The following PPP1R13B variants were observed in gnomAD, a reference collection of about 807,000 sequenced individuals.
PPP1R13B encodes protein phosphatase 1 regulatory subunit 13B, also known as apoptosis-stimulating of p53 protein 1.
PPP1R13B carries 44 observed loss-of-function variants against 119.8 expected under a neutral mutation model. The observed-to-expected ratio is 0.37, with a 90% confidence interval of 0.29 to 0.47. PPP1R13B has a LOEUF of 0.47. Ranked by LOEUF, PPP1R13B falls within the 20% of genes least tolerant of loss-of-function variation. The pLI is 0.99. For synonymous variants in PPP1R13B, 542 were observed against 561.5 expected (o/e 0.97, Z 0.49); for missense variants, 1,227 against 1,413.5 (o/e 0.87, Z 2.12).
intron 1 of PPP1R13B, among the ~76,000 whole-genome samples, chr14:103,816,294 A>C (rs1313569973): frequency 6.6e-6 from 1 of 150,636 alleles, no homozygotes; most frequent in Non-Finnish European, 1.5e-5. Context: ...AGTAGCTGGG[A>C]ATACAGGTGC....
chr14:103,751,318 A>G (rs1004820365), intron 7 of PPP1R13B, among the ~76,000 whole-genome samples: 5 of 152,230 alleles, frequency 3.3e-5, no homozygotes, highest in African/African-American at 7.2e-5. Flanking sequence ...ATGAAACCTT[A>G]TAATACTGTA....
rs1567085588 is a variant in PPP1R13B, at chr14:103,742,189, A to G, written c.1423T>C (p.Ser475Pro). 16 of 1,604,980 alleles carry G rather than the reference A, an allele frequency of 1.0e-5. No homozygotes were observed. The highest frequency in any genetic ancestry group is 1.3e-5 in the Non-Finnish European group (15 of 1,179,926). Reference sequence around the variant, plus strand: ...TTCCTCCTTTCCAGGGAGCTTGTCGACCCAGGACCCAGAGGTGTAGGACTT... The same window carrying G: ...TTCCTCCTTTCCAGGGAGCTTGTCGGCCCAGGACCCAGAGGTGTAGGACTT... Reference protein sequence around the residue: ...YPSPTPLGPGSTSSLERRKEG... With the variant: ...YPSPTPLGPGPTSSLERRKEG... Residue 475 changes from serine to proline, a missense_variant, in exon 11 of 17, where the codon TCG (serine) becomes CCG (proline). Ser to Pro is a moderately conservative substitution (Grantham distance 74). Coordinates refer to ENST00000202556, the MANE Select transcript of PPP1R13B (RefSeq NM_015316.3). The surrounding 1 kb of genome is among the most constrained non-coding windows in gnomAD (Gnocchi z 4.9).
intron 7 of PPP1R13B, among the ~76,000 whole-genome samples, chr14:103,752,571 G>A (rs2084576794): frequency 7.5e-6 from 1 of 133,846 alleles, no homozygotes; most frequent in Non-Finnish European, 1.5e-5. Flanking sequence ...GTCTCACTCT[G>A]TCACCCAGGC....
At chr14:103,812,705 G>A (rs983703352) in intron 1 of PPP1R13B, among the ~76,000 whole-genome samples, 4 of 152,134 alleles carry the variant, frequency 2.6e-5, no homozygotes, top group African/African-American at 9.7e-5. Flanking sequence ...GTGAGCCACC[G>A]CACCTGGCCA....
intron 4 of PPP1R13B, among the ~76,000 whole-genome samples, chr14:103,768,405 C>T (rs2084986543): frequency 6.6e-6 from 1 of 152,108 alleles, no homozygotes; most frequent in Non-Finnish European, 1.5e-5. Flanking sequence ...CAAGCAATTC[C>T]CCTGCCTCAG....
intron 1 of PPP1R13B, among the ~76,000 whole-genome samples, chr14:103,841,225 C>T (rs1793016472): frequency 1.3e-5 from 2 of 151,462 alleles, no homozygotes; most frequent in African/African-American, 2.4e-5. Context: ...ATGGAGGTTG[C>T]AGTGGGCTGA....
rs1189160810 is a variant in PPP1R13B at position 103,733,708 on chromosome 14, C to G, written c.*1446G>C. On this transcript the variant is annotated 3_prime_UTR_variant, in exon 17 of 17. Coordinates refer to ENST00000202556, the MANE Select transcript of PPP1R13B (RefSeq NM_015316.3). ...CCTGTGTCCAGATCACCTGAACCCT[C>G]GTGCCACAGCGCAGTCTGGGTCCAG... is the stretch of plus-strand genomic sequence containing the variant. The G allele has an allele frequency of 6.6e-6, 1 of 152,508 alleles. No individual in the cohort carries two copies. 9.4% of individuals were successfully genotyped at this position (152,508 alleles called of 1,614,324 possible).
At position 103,735,107 on chromosome 14, in the gene PPP1R13B, G is replaced by A. The variant is rs931134772; in HGVS notation, c.*47C>T. 3.1e-6 allele frequency: 5 copies of A among 1,607,122 alleles called. No individual in the cohort carries two copies. In the African/African-American group the frequency reaches 5.4e-5, roughly 17 times the overall value. On this transcript the variant is annotated 3_prime_UTR_variant, in exon 17 of 17. Coordinates refer to ENST00000202556, the MANE Select transcript of PPP1R13B (RefSeq NM_015316.3). ...GGAAAACAGCACAATAATCTCTTAAGTGGCTCCTGGTAGCTGGCAAGACCA... is the reference window on the plus strand; with the variant it reads ...GGAAAACAGCACAATAATCTCTTAAATGGCTCCTGGTAGCTGGCAAGACCA...
At chr14:103,770,185 G>A (rs893807711) in intron 4 of PPP1R13B, among the ~76,000 whole-genome samples, 21 of 150,924 alleles carry the variant, frequency 1.4e-4, no homozygotes, top group African/African-American at 4.9e-4. Context: ...GAGCCACCAC[G>A]CCCGGCCCAA....
chr14:103,842,735 G>A (rs2086938776), intron 1 of PPP1R13B, among the ~76,000 whole-genome samples: 1 of 152,026 alleles, frequency 6.6e-6, no homozygotes, highest in Admixed American at 6.6e-5. Context: ...CACCACTTTG[G>A]GAGGCTGAGG....
At chr14:103,755,120 T>A (rs1017941538) in intron 5 of PPP1R13B, among the ~76,000 whole-genome samples, 1 of 151,978 alleles carries the variant, frequency 6.6e-6, no homozygotes, top group African/African-American at 2.4e-5. Context: ...CCAGTTAATA[T>A]AAGCGCTTCT....
At position 103,740,870 on chromosome 14, in the gene PPP1R13B, G is replaced by A. The variant is rs1013039472; in HGVS notation, c.1823-277C>T. 5.3e-5 allele frequency among the ~76,000 whole-genome samples: 8 copies of A among 152,328 alleles called. No homozygotes were observed. Among genetic ancestry groups the A allele is most frequent in the African/African-American group, 1.9e-4 (8 of 41,574 alleles). ...AAAGAAAAAAATAGGGTGCTAACCC[G>A]ACTTTTCCTGCCGCAGACAAGCCTG... On this transcript the variant is annotated intron_variant, in intron 11 of 16. Coordinates refer to ENST00000202556, the MANE Select transcript of PPP1R13B (RefSeq NM_015316.3). The surrounding 1 kb of genome is among the most constrained non-coding windows in gnomAD (Gnocchi z 4.6).
rs1325561314 is a variant in PPP1R13B, at chr14:103,749,811, A to T, written c.952T>A (p.Tyr318Asn). 1.2e-6 allele frequency: 2 copies of T among 1,612,282 alleles called. No homozygotes were observed. The highest frequency in any genetic ancestry group is 1.7e-6 in the Non-Finnish European group (2 of 1,179,484). ...TCACATGCCTGAATTTTTTTCCCAT[A>T]GAGACGTTCACGCAGTTCACTGATT... is the stretch of plus-strand genomic sequence containing the variant. ...KRISELRERL[Y>N]GKKIQLNRVN... The change falls in exon 8 of 17, where the codon TAT (tyrosine) becomes AAT (asparagine). Residue 318 changes from tyrosine (Y) to asparagine (N), a missense_variant. Coordinates refer to ENST00000202556, the MANE Select transcript of PPP1R13B (RefSeq NM_015316.3).
rs2087085737 is a variant in PPP1R13B, at chr14:103,847,549, T to TCAGCCC, written c.-243_-242insGGGCTG. The stretch of plus-strand genomic sequence containing the variant: ...CGCCGCCGCCGCCTCAACCTCAGCC[T>TCAGCCC]CAGCCTCAGCCCCAGCCCGACAGCC... On this transcript the variant is annotated 5_prime_UTR_variant, in exon 1 of 17. Coordinates refer to ENST00000202556, the MANE Select transcript of PPP1R13B (RefSeq NM_015316.3). The TCAGCCC allele has an allele frequency of 2.0e-6, 2 of 985,266 alleles. No homozygotes were observed. Among genetic ancestry groups the TCAGCCC allele is most frequent in the African/African-American group, 3.5e-5 (2 of 56,354 alleles). The allele number at this position is 985,266 out of a possible 1,614,324, so 61.0% of individuals were successfully genotyped here.
At chr14:103,758,935 A>C (rs189337137) in intron 4 of PPP1R13B, among the ~76,000 whole-genome samples, 1 of 151,620 alleles carries the variant, frequency 6.6e-6, no homozygotes, top group African/African-American at 2.4e-5. Flanking sequence ...GACTCTTGAA[A>C]CATGGGATCA....
intron 5 of PPP1R13B, 48 bp from the exon 6 acceptor site, chr14:103,754,292 C>T (rs369528443): frequency 2.1e-5 from 32 of 1,557,344 alleles, no homozygotes; most frequent in South Asian, 3.6e-5. Context: ...AGGCTGGGCG[C>T]GGTGGCTCAC....
At chr14:103,788,818 A>T (rs1450653707) in intron 2 of PPP1R13B, among the ~76,000 whole-genome samples, 1 of 152,216 alleles carries the variant, frequency 6.6e-6, no homozygotes, top group African/African-American at 2.4e-5. Flanking sequence ...ACAGAACATG[A>T]TATTAGCATT....
intron 1 of PPP1R13B, among the ~76,000 whole-genome samples, chr14:103,805,327 T>C (rs763820832): frequency 6.6e-6 from 1 of 152,080 alleles, no homozygotes; most frequent in African/African-American, 2.4e-5. Context: ...TCCTAGAACT[T>C]TGGGAGGCCA....
At chr14:103,775,058 C>T (rs2085155009) in intron 4 of PPP1R13B, among the ~76,000 whole-genome samples, 1 of 152,106 alleles carries the variant, frequency 6.6e-6, no homozygotes, top group African/African-American at 2.4e-5. Flanking sequence ...CAAGAAAAAA[C>T]TTCATCAAGG....
Sources: allele counts gnomAD v4.1 joint callset (sites outside exome capture counted in the v4.1 genomes callset), GRCh38; gene constraint gnomAD v4.1.1; non-coding constraint Gnocchi (gnomAD v3.1); transcripts MANE v1.5; gene names NCBI Gene and HGNC (gene_info 2026-07-23, HGNC 2026-07-21).